Variants in ATG7 observed in about 807,000 individuals in gnomAD.
ATG7 encodes the protein ubiquitin-like modifier-activating enzyme ATG7.
In ATG7, 70 loss-of-function variants were observed where a neutral mutation model predicts 82.4. The ratio of observed to expected loss-of-function variants is 0.85; its 90% confidence interval spans 0.70 to 1.04. The LOEUF (loss-of-function observed/expected upper bound fraction) is 1.04, where lower values mean the gene tolerates loss of function less well. Ranked by LOEUF, ATG7 falls within the 50% of genes least tolerant of loss-of-function variation. The pLI, the probability that ATG7 is intolerant of heterozygous loss-of-function variation, is 0.00. For missense variants in ATG7, 792 were observed against 864.3 expected, an observed-to-expected ratio of 0.92 and a Z score of 1.05; for synonymous variants, 287 against 313.0, an observed-to-expected ratio of 0.92 and a Z score of 0.88.
intron 19 of ATG7, among the ~76,000 whole-genome samples, chr3:11,426,405 T>A (rs1251790922): frequency 6.6e-6 from 1 of 152,206 alleles, no homozygotes; most frequent in Non-Finnish European, 1.5e-5. Context: ...AGCTCGTATG[T>A]CACACTTTTT....
intron 20 of ATG7, among the ~76,000 whole-genome samples, chr3:11,502,632 C>A (rs2091426556): frequency 6.6e-6 from 1 of 151,764 alleles, no homozygotes. Context: ...CATTGTTGGA[C>A]ATTTGGGTTG....
chr3:11,299,665 G>T (rs886793506), intron 5 of ATG7, among the ~76,000 whole-genome samples: 1 of 152,100 alleles, frequency 6.6e-6, no homozygotes, highest in Non-Finnish European at 1.5e-5. Context: ...TAGATTGATT[G>T]AGACATAGAT....
chr3:11,340,779 C>G (rs1344051797), intron 12 of ATG7, 44 bp downstream of exon 12: 8 of 1,538,952 alleles, frequency 5.2e-6, no homozygotes, highest in Non-Finnish European at 6.3e-6. Flanking sequence ...TTTTTGTAAC[C>G]AAGACACACA....
At chr3:11,409,043 T>C (rs1322540799) in intron 19 of ATG7, among the ~76,000 whole-genome samples, 1 of 152,238 alleles carries the variant, frequency 6.6e-6, no homozygotes, top group Non-Finnish European at 1.5e-5. Flanking sequence ...GTATTTTGGA[T>C]AATAGTCCTT....
At chr3:11,537,282 G>A (rs1227401404) in intron 20 of ATG7, among the ~76,000 whole-genome samples, 2 of 152,010 alleles carry the variant, frequency 1.3e-5, no homozygotes, top group Admixed American at 6.6e-5. Context: ...TAAAAGAACT[G>A]TTCCTCCATC....
rs145772371 is a variant in ATG7, at chr3:11,461,334, G to T, written c.2079+34408G>T. On this transcript the variant is annotated intron_variant, in intron 20 of 20. Transcript: ENST00000693202. ...TGGGGTCAGAAATGGCATCACTGGGGCTAAGAAACCAAAGATAAAGTCACT... is the reference window on the plus strand; with the variant it reads ...TGGGGTCAGAAATGGCATCACTGGGTCTAAGAAACCAAAGATAAAGTCACT... Among the ~76,000 whole-genome samples, 41 of 152,306 alleles carry T rather than the reference G, an allele frequency of 2.7e-4. 1 individual carries two copies. The East Asian group carries it at 4.4e-3, about 16-fold the overall frequency.
intron 13 of ATG7, 128 bp downstream of exon 13, chr3:11,342,407 C>T: frequency 8.3e-7 from 1 of 1,207,944 alleles, no homozygotes; most frequent in Non-Finnish European, 1.1e-6. Context: ...TTCCTTTTTC[C>T]TTTTCTTATC....
At chr3:11,442,253 G>A (rs547596476) in intron 20 of ATG7, among the ~76,000 whole-genome samples, 38 of 152,270 alleles carry the variant, frequency 2.5e-4, no homozygotes, top group Middle Eastern at 3.4e-3. Flanking sequence ...GGGAGCATAG[G>A]ATGTGGGTCC....
rs1172991562 is a variant in ATG7, at chr3:11,554,924, A to G, written c.*81A>G. ...TCGCCAGAGCAGGACTGCTGACCCC[A>G]GGCCTGGTGATTCTGGGCCCCTCCT... On this transcript the variant is annotated 3_prime_UTR_variant, in exon 21 of 21. Coordinates refer to ENST00000693202, the MANE Select transcript of ATG7 (RefSeq NM_001349232.2). The G allele has an allele frequency of 5.9e-6, 9 of 1,533,002 alleles. No homozygotes were observed. Among genetic ancestry groups the G allele is most frequent in the Non-Finnish European group, 7.9e-6 (9 of 1,133,236 alleles). The allele number at this position is 1,533,002 out of a possible 1,614,324, so 95.0% of individuals were successfully genotyped here.
At chr3:11,399,153 G>A (rs2079574172) in intron 19 of ATG7, among the ~76,000 whole-genome samples, 1 of 152,196 alleles carries the variant, frequency 6.6e-6, no homozygotes, top group Non-Finnish European at 1.5e-5. Flanking sequence ...TTCAAGACCA[G>A]CCTGGCCAAC....
chr3:11,458,323 G>T (rs1016083590), intron 20 of ATG7, among the ~76,000 whole-genome samples: 2 of 152,042 alleles, frequency 1.3e-5, no homozygotes, highest in Admixed American at 6.6e-5. Context: ...GAGTGCAGCG[G>T]CACCATCTCC....
In ATG7 at chr3:11,352,810, A is replaced by G. The variant is rs2075662673; in HGVS notation, c.1284+4775A>G. 3.3e-5 allele frequency among the ~76,000 whole-genome samples: 5 copies of G among 152,338 alleles called. 1 individual carries two copies. In the South Asian group the frequency reaches 8.3e-4, roughly 25 times the overall value. On this transcript the variant is annotated intron_variant, in intron 14 of 20. Coordinates refer to ENST00000693202, the MANE Select transcript of ATG7 (RefSeq NM_001349232.2). Reference sequence around the variant, plus strand: ...GCATGTGCCAGGGAAAGCCTTCTTAAGGAAGTAACATTTGGTCCAAGCTCT... The same window carrying G: ...GCATGTGCCAGGGAAAGCCTTCTTAGGGAAGTAACATTTGGTCCAAGCTCT...
chr3:11,415,758 C>CTTT (rs58976243), intron 19 of ATG7, among the ~76,000 whole-genome samples: 2 of 146,604 alleles, frequency 1.4e-5, no homozygotes, highest in South Asian at 4.3e-4. Context: ...ATGCAGTTAA[C>CTTT]TTTTTTTTTT....
At chr3:11,460,381 A>G (rs914512618) in intron 20 of ATG7, among the ~76,000 whole-genome samples, 5 of 152,190 alleles carry the variant, frequency 3.3e-5, no homozygotes, top group Admixed American at 1.3e-4. Context: ...GTGGCTGCCT[A>G]GAAGACTGTG....
intron 20 of ATG7, among the ~76,000 whole-genome samples, chr3:11,439,194 G>A (rs553866444): frequency 2.2e-4 from 33 of 149,144 alleles, no homozygotes; most frequent in African/African-American, 6.9e-4. Context: ...TCAGCCTCCC[G>A]AGTAGCAGGG....
At chr3:11,552,524 G>A (rs553530330) in intron 20 of ATG7, among the ~76,000 whole-genome samples, 56 of 152,160 alleles carry the variant, frequency 3.7e-4, no homozygotes, top group African/African-American at 1.3e-3. Context: ...CCTATCCCCA[G>A]GAGTCCCTGT....
chr3:11,449,074 A>G (rs1035996864), intron 20 of ATG7, among the ~76,000 whole-genome samples: 1 of 152,214 alleles, frequency 6.6e-6, no homozygotes, highest in Non-Finnish European at 1.5e-5. Context: ...GAGGGAGATG[A>G]GTGCTAAAGC....
At chr3:11,297,057 T>TA (rs1946047909) in intron 3 of ATG7, among the ~76,000 whole-genome samples, 1 of 152,202 alleles carries the variant, frequency 6.6e-6, no homozygotes, top group Non-Finnish European at 1.5e-5. Flanking sequence ...GAGCTGTTTT[T>TA]AAAAAATATA....
intron 13 of ATG7, among the ~76,000 whole-genome samples, chr3:11,344,573 AT>A (rs1350436898): frequency 1.3e-5 from 2 of 152,168 alleles, no homozygotes; most frequent in African/African-American, 4.8e-5. Context: ...TTGTTTTTAA[AT>A]GTTACATTTT....
Sources: gnomAD v4.1 joint callset for allele counts (sites outside exome capture counted in the v4.1 genomes callset) on GRCh38, gnomAD v4.1.1 for gene constraint, MANE v1.5 for transcripts, NCBI Gene and HGNC (gene_info 2026-07-23, HGNC 2026-07-21) for gene names.